Variants in EIF4G3 observed in about 807,000 individuals in gnomAD.
EIF4G3 encodes the protein eukaryotic translation initiation factor 4 gamma 3.
In EIF4G3, 34 loss-of-function variants were observed where a neutral mutation model predicts 186.4. The ratio of observed to expected loss-of-function variants is 0.18; its 90% confidence interval spans 0.14 to 0.24. The LOEUF (loss-of-function observed/expected upper bound fraction) is 0.24, where lower values mean the gene tolerates loss of function less well. Ranked by LOEUF, EIF4G3 falls within the 10% of genes least tolerant of loss-of-function variation. EIF4G3 has a pLI of 1.00. For missense variants in EIF4G3, 1,536 were observed against 1,948.5 expected (o/e 0.79, Z 3.99); for synonymous variants, 673 against 679.5 (o/e 0.99, Z 0.15).
chr1:21,073,318 C>T (rs770268474), intron 3 of EIF4G3, among the ~76,000 whole-genome samples: 1 of 152,148 alleles, frequency 6.6e-6, no homozygotes, highest in Admixed American at 6.5e-5. Context: ...AACGCCCTTG[C>T]AGCTATTCAC....
chr1:21,064,775 A>G (rs1329782974), intron 3 of EIF4G3: 3 of 152,222 alleles, frequency 2.0e-5, no homozygotes, highest in Non-Finnish European at 4.4e-5. Flanking sequence ...CAAGGAATAC[A>G]TATATTACAG....
At chr1:21,160,551 C>T (rs1313761962) in intron 2 of EIF4G3, among the ~76,000 whole-genome samples, 1 of 152,136 alleles carries the variant, frequency 6.6e-6, no homozygotes, top group Non-Finnish European at 1.5e-5. Context: ...GCCAACTTAA[C>T]CAAGTAGTCA....
intron 2 of EIF4G3, among the ~76,000 whole-genome samples, chr1:21,120,444 G>A (rs2096906140): frequency 6.6e-6 from 1 of 151,716 alleles, no homozygotes; most frequent in Non-Finnish European, 1.5e-5. Flanking sequence ...CCTGGCTAAT[G>A]TGGTGAAACC....
intron 12 of EIF4G3, among the ~76,000 whole-genome samples, chr1:20,951,095 G>T (rs1441640321): frequency 6.6e-6 from 1 of 151,798 alleles, no homozygotes; most frequent in African/African-American, 2.4e-5. Context: ...TGGGGAGTAG[G>T]GATGGGGAGA....
At chr1:20,842,376 T>C (rs1192317789) in intron 29 of EIF4G3, among the ~76,000 whole-genome samples, 1 of 152,236 alleles carries the variant, frequency 6.6e-6, no homozygotes, top group Non-Finnish European at 1.5e-5. Context: ...ATGGTTTCTT[T>C]TTTCTTTTGA....
At chr1:20,965,223 T>C (rs1411668432) in intron 12 of EIF4G3, among the ~76,000 whole-genome samples, 1 of 152,160 alleles carries the variant, frequency 6.6e-6, no homozygotes, top group African/African-American at 2.4e-5. Flanking sequence ...AAAATCACAA[T>C]GGCTTGACCA....
chr1:21,068,362 G>A (rs1337609047), intron 3 of EIF4G3, among the ~76,000 whole-genome samples: 6 of 78,688 alleles, frequency 7.6e-5, no homozygotes, highest in Admixed American at 1.8e-4. Flanking sequence ...GCGACAGAGT[G>A]AAACTCTGTC....
At chr1:21,075,343 C>G (rs2095553675) in intron 3 of EIF4G3, among the ~76,000 whole-genome samples, 1 of 151,762 alleles carries the variant, frequency 6.6e-6, no homozygotes, top group Non-Finnish European at 1.5e-5. Context: ...CCAAGGTGGG[C>G]AGATCACCTG....
chr1:20,907,698 C>T (rs1374453897), intron 14 of EIF4G3, among the ~76,000 whole-genome samples: 2 of 152,106 alleles, frequency 1.3e-5, no homozygotes, highest in Non-Finnish European at 2.9e-5. Context: ...CCAGTTTCAT[C>T]CATGTCCCTA....
At chr1:21,054,496 A>C (rs1207478643) in intron 3 of EIF4G3, among the ~76,000 whole-genome samples, 1 of 152,130 alleles carries the variant, frequency 6.6e-6, no homozygotes, top group Non-Finnish European at 1.5e-5. Flanking sequence ...AAAGAAAAAA[A>C]CAAAAACAAA....
chr1:21,106,066 CT>C (rs1048552858), intron 2 of EIF4G3, among the ~76,000 whole-genome samples: 366 of 132,278 alleles, frequency 2.8e-3, no homozygotes, highest in Admixed American at 3.8e-3. Flanking sequence ...GACCCTGTCT[CT>C]TTTTTTTTTT....
At chr1:21,113,912 A>C (rs1381068419) in intron 2 of EIF4G3, among the ~76,000 whole-genome samples, 1 of 152,118 alleles carries the variant, frequency 6.6e-6, no homozygotes, top group African/African-American at 2.4e-5. Context: ...GCTACTTGGG[A>C]GGTTGAAGTG....
At chr1:21,093,390 A>G (rs1257672003) in intron 2 of EIF4G3, among the ~76,000 whole-genome samples, 1 of 152,228 alleles carries the variant, frequency 6.6e-6, no homozygotes, top group Non-Finnish European at 1.5e-5. Context: ...GCAAATCAAA[A>G]CCACAATGAG....
At chr1:20,867,722 AT>A (rs1485980963) in intron 20 of EIF4G3, among the ~76,000 whole-genome samples, 1 of 152,236 alleles carries the variant, frequency 6.6e-6, no homozygotes, top group East Asian at 1.9e-4. Context: ...CAAAGAAAGG[AT>A]AAAGCAAAGT....
intron 3 of EIF4G3, among the ~76,000 whole-genome samples, chr1:21,083,100 G>A (rs2095847370): frequency 6.7e-6 from 1 of 148,812 alleles, no homozygotes; most frequent in South Asian, 2.1e-4. Flanking sequence ...GGGCACGGTG[G>A]CTTGTGCCTG....
intron 2 of EIF4G3, among the ~76,000 whole-genome samples, chr1:21,159,520 T>G (rs1312641599): frequency 6.6e-6 from 1 of 151,502 alleles, no homozygotes; most frequent in South Asian, 2.1e-4. Flanking sequence ...GCTGATCACC[T>G]GAGGTCAGGA....
rs771683588 is a variant in EIF4G3 at position 20,857,502 on chromosome 1, A to T, written c.3245-5T>A. 3.0e-5 allele frequency: 49 copies of T among 1,611,156 alleles called. No individual in the cohort carries two copies. The highest frequency in any genetic ancestry group is 3.3e-4 in the Middle Eastern group (2 of 6,082). On this transcript the variant is annotated splice_polypyrimidine_tract_variant and splice_region_variant and intron_variant, in intron 24 of 36. Coordinates refer to ENST00000602326, the MANE Select transcript of EIF4G3 (RefSeq NM_001391906.1). Reference sequence around the variant, plus strand: ...CTTCGTCCACTCTCTGGACACCTGCAGGGAGAACAGAGTGGGAGTCTCTCA... The same window carrying T: ...CTTCGTCCACTCTCTGGACACCTGCTGGGAGAACAGAGTGGGAGTCTCTCA...
At chr1:21,121,774 C>CAAA (rs35864256) in intron 2 of EIF4G3, among the ~76,000 whole-genome samples, 2 of 85,782 alleles carry the variant, frequency 2.3e-5, no homozygotes, top group Non-Finnish European at 2.4e-5. Context: ...GACTCCGTCT[C>CAAA]AAAAAAAAAA....
At position 20,810,538 on chromosome 1, in the gene EIF4G3, G is replaced by A. The variant is rs566660546; in HGVS notation, c.4744+200C>T. Among the ~76,000 whole-genome samples the A allele has an allele frequency of 1.1e-3, 162 of 152,102 alleles. No individual in the cohort carries two copies. Among genetic ancestry groups the A allele is most frequent in the African/African-American group, 3.5e-3 (147 of 41,476 alleles). On this transcript the variant is annotated intron_variant, in intron 36 of 36. Transcript: ENST00000602326. This position sits in a 1 kb window ranked among gnomAD's most constrained non-coding sequence, Gnocchi z 4.1. ...CTTGACCTCAAGTGATCTGCCTGCC[G>A]TGGCCTCCCAAAGTGCTGGGATTAT...
Sources: allele counts gnomAD v4.1 joint callset (sites outside exome capture counted in the v4.1 genomes callset), GRCh38; gene constraint gnomAD v4.1.1; non-coding constraint Gnocchi (gnomAD v3.1); transcripts MANE v1.5; gene names NCBI Gene and HGNC (gene_info 2026-07-23, HGNC 2026-07-21).